The following CCDC110 variants were observed in gnomAD, a reference collection of about 807,000 sequenced individuals.
The protein encoded by CCDC110 is coiled-coil domain-containing protein 110.
A neutral mutation model predicts 77.1 loss-of-function variants in CCDC110; 70 were observed. That is an observed-to-expected ratio of 0.91 (90% CI 0.75 to 1.11). The LOEUF (loss-of-function observed/expected upper bound fraction) is 1.11, where lower values mean the gene tolerates loss of function less well. Among genes scored for constraint, CCDC110 ranks in the 50% least tolerant of loss-of-function variants. The pLI, the probability that CCDC110 is intolerant of heterozygous loss-of-function variation, is 0.00. For synonymous variants in CCDC110, 295 were observed against 312.5 expected, an observed-to-expected ratio of 0.94 and a Z score of 0.59; for missense variants, 868 against 942.9, an observed-to-expected ratio of 0.92 and a Z score of 1.04.
intron 6 of CCDC110, among the ~76,000 whole-genome samples, chr4:185,446,533 T>C (rs1016283652): frequency 6.6e-6 from 1 of 152,210 alleles, no homozygotes; most frequent in Admixed American, 6.5e-5. Flanking sequence ...TCTGACTGAA[T>C]TATTTTGATC....
chr4:185,451,447 T>G (rs750439127), intron 6 of CCDC110, among the ~76,000 whole-genome samples: 1 of 151,948 alleles, frequency 6.6e-6, no homozygotes, highest in Non-Finnish European at 1.5e-5. Context: ...GAAGGAGGAG[T>G]GCAGATGGTA....
chr4:185,460,304 A>G, intron 5 of CCDC110, 66 bp from the exon 6 acceptor site: 1 of 1,246,072 alleles, frequency 8.0e-7, no homozygotes, highest in Non-Finnish European at 1.1e-6. Flanking sequence ...AGTACAGATA[A>G]TATTTTGTGG....
chr4:185,470,994 C>T lies in CCDC110; in HGVS notation c.66G>A (p.Lys22=). The change falls in exon 2 of 7, where the codon AAG becomes AAA. Residue 22 remains lysine (K), a synonymous_variant. Coordinates refer to ENST00000307588, the MANE Select transcript of CCDC110 (RefSeq NM_152775.4). ...TCACCCCCTCCGAAGAATTTAGGAT[C>T]TTGGACGCTGAAAGGAGAACGGAGT... The part of the protein sequence containing the change: ...EVDSVLLSAS[K]ILNSSEGVKE... The T allele has an allele frequency of 6.2e-7, 1 of 1,608,548 alleles. No individual in the cohort carries two copies. The highest frequency in any genetic ancestry group is 1.4e-5 in the African/African-American group (1 of 72,640).
At chr4:185,463,748 C>A (rs1336775332) in intron 2 of CCDC110, among the ~76,000 whole-genome samples, 4 of 152,166 alleles carry the variant, frequency 2.6e-5, no homozygotes, top group African/African-American at 9.7e-5. Flanking sequence ...CCTGGCCAAC[C>A]CTGCTACTCT....
chr4:185,469,027 C>T (rs1037128763), intron 2 of CCDC110, among the ~76,000 whole-genome samples: 13 of 152,342 alleles, frequency 8.5e-5, no homozygotes, highest in African/African-American at 3.1e-4. Flanking sequence ...ACACCCTGGA[C>T]ACCCTCAAAT....
At position 185,446,067 on chromosome 4, in the gene CCDC110, C is replaced by T. The variant is rs1042673068; in HGVS notation, c.2462-525G>A. Among the ~76,000 whole-genome samples, 11 of 152,168 alleles carry T rather than the reference C, an allele frequency of 7.2e-5. No individual in the cohort carries two copies. The East Asian group carries it at 1.7e-3, about 24-fold the overall frequency. On this transcript the variant is annotated intron_variant, in intron 6 of 6. Transcript: ENST00000307588. ...TGTTGGTAAGGCTGGTCTCGAACTC[C>T]CGACCTCAGGTGATCCACCCACCTC...
rs1201365178 is a variant in CCDC110 at position 185,459,126 on chromosome 4, C to T, written c.1461G>A (p.Lys487=). The T allele has an allele frequency of 6.3e-7, 1 of 1,596,460 alleles. No individual in the cohort carries two copies. Among genetic ancestry groups the T allele is most frequent in the African/African-American group, 1.3e-5 (1 of 74,286 alleles). ...TACTTAACTTAGACTGAATAGTACT[C>T]TTTTCTTCAACCAGATTCTTAAGTT... is the stretch of plus-strand genomic sequence containing the variant. ...EKQLKNLVEE[K]STIQSKLSKT... Residue 487 remains lysine (K), a synonymous_variant, in exon 6 of 7, where the codon AAG becomes AAA. Coordinates refer to ENST00000307588, the MANE Select transcript of CCDC110 (RefSeq NM_152775.4).
intron 2 of CCDC110, among the ~76,000 whole-genome samples, chr4:185,465,951 C>G (rs1310674947): frequency 5.9e-5 from 9 of 152,102 alleles, no homozygotes; most frequent in Admixed American, 2.0e-4. Context: ...AGAGTAGGAA[C>G]ATACTTTAGG....
At chr4:185,457,693 C>T in intron 6 of CCDC110, 1 of 934,206 alleles carries the variant, frequency 1.1e-6, no homozygotes, top group Non-Finnish European at 1.5e-6. Context: ...TTAATGTAAT[C>T]ACATAATTTA....
chr4:185,453,393 G>A (rs187345506), intron 6 of CCDC110, among the ~76,000 whole-genome samples: 17 of 152,318 alleles, frequency 1.1e-4, no homozygotes, highest in Non-Finnish European at 2.2e-4. Context: ...ATAATGCGAT[G>A]TGCCAGATAC....
chr4:185,450,583 C>G (rs918763777), intron 6 of CCDC110, among the ~76,000 whole-genome samples: 9 of 152,108 alleles, frequency 5.9e-5, no homozygotes, highest in Non-Finnish European at 1.3e-4. Flanking sequence ...CCTGTCTCTA[C>G]TAACAATACA....
Position 185,457,207 on chromosome 4 carries a change from T to C in CCDC110, c.2461+919A>G, listed in dbSNP as rs1364506335. The stretch of plus-strand genomic sequence containing the variant: ...GCTTTGGACAGAATTCAACAAGGAA[T>C]ATTTGAATAGCAGTCTTGGAAGACA... On this transcript the variant is annotated intron_variant, in intron 6 of 6. Coordinates refer to ENST00000307588, the MANE Select transcript of CCDC110 (RefSeq NM_152775.4). 8.8e-6 allele frequency: 4 copies of C among 454,502 alleles called. No homozygotes were observed. In the Admixed American group the frequency reaches 9.5e-5, roughly 11 times the overall value. The allele number at this position is 454,502 out of a possible 1,614,324, so 28.2% of individuals were successfully genotyped here.
chr4:185,466,496 G>T (rs2095656395), intron 2 of CCDC110, among the ~76,000 whole-genome samples: 1 of 152,204 alleles, frequency 6.6e-6, no homozygotes, highest in South Asian at 2.1e-4. Flanking sequence ...GGGCATGGAG[G>T]ATAGGTCACT....
intron 2 of CCDC110, among the ~76,000 whole-genome samples, chr4:185,469,351 C>G (rs1204553558): frequency 6.6e-6 from 1 of 152,198 alleles, no homozygotes; most frequent in South Asian, 2.1e-4. Flanking sequence ...CAACCCCAGA[C>G]CTGTAAACAC....
intron 2 of CCDC110, among the ~76,000 whole-genome samples, chr4:185,465,606 C>T (rs542722785): frequency 1.6e-4 from 25 of 152,034 alleles, no homozygotes; most frequent in Admixed American, 6.5e-4. Context: ...TCAAGTGAAA[C>T]GGGGAACTTT....
In CCDC110 at chr4:185,445,270, C is replaced by T; in HGVS notation, c.*232G>A. 1 of 784,712 alleles carries T rather than the reference C, an allele frequency of 1.3e-6. No individual in the cohort carries two copies. The highest frequency in any genetic ancestry group is 2.0e-6 in the Non-Finnish European group (1 of 501,628). The allele number at this position is 784,712 out of a possible 1,614,324, so 48.6% of individuals were successfully genotyped here. A position where few individuals can be genotyped will look rare whatever the true frequency, so the allele number is the denominator to read the frequency against. Reference sequence around the variant, plus strand: ...TGACTTTAGACATCTCAGCTCCTTCCATGTACAGGTACCTGCCCTCCCTTG... The same window carrying T: ...TGACTTTAGACATCTCAGCTCCTTCTATGTACAGGTACCTGCCCTCCCTTG... On this transcript the variant is annotated 3_prime_UTR_variant, in exon 7 of 7. Coordinates refer to ENST00000307588, the MANE Select transcript of CCDC110 (RefSeq NM_152775.4).
Position 185,463,461 on chromosome 4 carries a change from A to G in CCDC110, c.116-412T>C, listed in dbSNP as rs560932379. 3.9e-5 allele frequency among the ~76,000 whole-genome samples: 6 copies of G among 152,338 alleles called. No homozygotes were observed. The East Asian group carries it at 1.2e-3, about 29-fold the overall frequency. On this transcript the variant is annotated intron_variant, in intron 2 of 6. Coordinates refer to ENST00000307588, the MANE Select transcript of CCDC110 (RefSeq NM_152775.4). ...GACATTTTTCCCCTTATGGAAACCA[A>G]GTTGGATCAACAGCATAATTTTTGT...
chr4:185,471,415 G>A (rs1032628461), intron 1 of CCDC110: 36 of 351,734 alleles, frequency 1.0e-4, no homozygotes, highest in Non-Finnish European at 1.7e-4. Flanking sequence ...GGGGCGCGGC[G>A]CTTTCCGCAA....
At chr4:185,465,372 C>G (rs2095653614) in intron 2 of CCDC110, among the ~76,000 whole-genome samples, 1 of 152,176 alleles carries the variant, frequency 6.6e-6, no homozygotes, top group Admixed American at 6.5e-5. Flanking sequence ...TAAAGGGATA[C>G]AGTAAATCAA....
Sources: gnomAD v4.1 joint callset for allele counts (sites outside exome capture counted in the v4.1 genomes callset) on GRCh38, gnomAD v4.1.1 for gene constraint, MANE v1.5 for transcripts, NCBI Gene and HGNC (gene_info 2026-07-23, HGNC 2026-07-21) for gene names.